The following ESR1 variants were observed in gnomAD, a reference collection of about 807,000 sequenced individuals.
The protein encoded by ESR1 is estrogen receptor.
ESR1 carries 12 observed loss-of-function variants against 52.7 expected under a neutral mutation model. The observed-to-expected ratio is 0.23, with a 90% CI of 0.15 to 0.37. The LOEUF (loss-of-function observed/expected upper bound fraction) is 0.37. Among genes scored for constraint, ESR1 ranks in the 10% least tolerant of loss-of-function variants. The pLI is 1.00. For missense variants in ESR1, 584 were observed against 779.7 expected, an observed-to-expected ratio of 0.75 and a Z score of 2.99; for synonymous variants, 305 against 316.8, an observed-to-expected ratio of 0.96 and a Z score of 0.39.
At chr6:152,018,708 A>G (rs1164377088) in intron 5 of ESR1, among the ~76,000 whole-genome samples, 1 of 152,092 alleles carries the variant, frequency 6.6e-6, no homozygotes, top group Non-Finnish European at 1.5e-5. Context: ...GGATTCCACC[A>G]TCGCTTTCCA....
At chr6:151,948,636 C>G (rs906401876) in intron 4 of ESR1, among the ~76,000 whole-genome samples, 1 of 152,192 alleles carries the variant, frequency 6.6e-6, no homozygotes, top group Non-Finnish European at 1.5e-5. Flanking sequence ...AATCAACACT[C>G]TAGAAGGCCC....
At chr6:151,720,045 A>G (rs1781347594) in intron 2 of ESR1, among the ~76,000 whole-genome samples, 1 of 152,244 alleles carries the variant, frequency 6.6e-6, no homozygotes, top group African/African-American at 2.4e-5. Flanking sequence ...ATAATAATAA[A>G]GAAAGGGCAG....
At chr6:152,043,966 C>T (rs1055740475) in intron 5 of ESR1, among the ~76,000 whole-genome samples, 3 of 149,842 alleles carry the variant, frequency 2.0e-5, no homozygotes, top group Non-Finnish European at 3.0e-5. Flanking sequence ...AGATAAGACT[C>T]GAACCCAGGG....
chr6:151,909,098 A>G (rs368288526), intron 3 of ESR1, among the ~76,000 whole-genome samples: 1 of 152,178 alleles, frequency 6.6e-6, no homozygotes, highest in South Asian at 2.1e-4. Context: ...GAAAAGGGCA[A>G]CCCAATCTCT....
chr6:151,702,515 A>G (rs1000688575), intron 2 of ESR1, among the ~76,000 whole-genome samples: 4 of 152,208 alleles, frequency 2.6e-5, no homozygotes, highest in African/African-American at 9.6e-5. Context: ...TAACCCTAAA[A>G]TAGGGGAATA....
intron 2 of ESR1, among the ~76,000 whole-genome samples, chr6:151,786,688 T>C (rs78988953): frequency 0.02 from 3,034 of 151,524 alleles, 95 homozygotes; most frequent in African/African-American, 0.068. Context: ...TTTTTTTTTT[T>C]CTGGTAGGCA....
At position 151,912,623 on chromosome 6, in the gene ESR1, C is replaced by T. The variant is rs9340880; in HGVS notation, c.761-31550C>T. Among the ~76,000 whole-genome samples, 249 of 152,178 alleles carry T rather than the reference C, an allele frequency of 1.6e-3. 2 individuals are homozygous for T. The highest frequency in any genetic ancestry group is 5.8e-3 in the African/African-American group (240 of 41,506). ...AGATCTCAGGCTCTAATAATACATCCGTATAAACATCTCAGTAGGGCACCA... is the reference window on the plus strand; with the variant it reads ...AGATCTCAGGCTCTAATAATACATCTGTATAAACATCTCAGTAGGGCACCA... On this transcript the variant is annotated intron_variant, in intron 3 of 7. Transcript: ENST00000206249.
intron 2 of ESR1, among the ~76,000 whole-genome samples, chr6:151,864,324 G>A (rs1166021987): frequency 6.6e-6 from 1 of 152,106 alleles, no homozygotes; most frequent in African/African-American, 2.4e-5. Flanking sequence ...GCAGCCAACA[G>A]ACACATGAAA....
At chr6:151,860,364 C>T (rs1049827676) in intron 2 of ESR1, among the ~76,000 whole-genome samples, 13 of 152,070 alleles carry the variant, frequency 8.5e-5, no homozygotes, top group Admixed American at 2.0e-4. Flanking sequence ...GATTTCTAGA[C>T]TTGTTCATGC....
At chr6:151,740,289 T>A (rs1197783068) in intron 2 of ESR1, among the ~76,000 whole-genome samples, 1 of 137,388 alleles carries the variant, frequency 7.3e-6, no homozygotes, top group Admixed American at 7.0e-5. Flanking sequence ...TGGCTAATTT[T>A]TTTTTTTTTT....
chr6:152,125,256 C>A, intron 6 of ESR1: 2 of 1,549,764 alleles, frequency 1.3e-6, no homozygotes, highest in South Asian at 1.2e-5. Flanking sequence ...AGGTCGTATT[C>A]ATTTCACAGG....
At chr6:152,043,972 C>T (rs2046018000) in intron 5 of ESR1, among the ~76,000 whole-genome samples, 1 of 152,166 alleles carries the variant, frequency 6.6e-6, no homozygotes, top group East Asian at 1.9e-4. Context: ...GACTCGAACC[C>T]AGGGCAATCT....
chr6:151,757,507 C>T (rs891230052), intron 2 of ESR1, among the ~76,000 whole-genome samples: 6 of 152,188 alleles, frequency 3.9e-5, no homozygotes, highest in Non-Finnish European at 5.9e-5. Context: ...GAAATATATT[C>T]TGGTCAGAGC....
At chr6:152,000,468 T>A (rs1422054578) in intron 4 of ESR1, among the ~76,000 whole-genome samples, 2 of 152,050 alleles carry the variant, frequency 1.3e-5, no homozygotes, top group East Asian at 3.9e-4. Flanking sequence ...TTTCTCTTTA[T>A]ATAAATATGA....
intron 5 of ESR1, among the ~76,000 whole-genome samples, chr6:152,019,280 C>G (rs140603869): frequency 1.7e-4 from 26 of 152,164 alleles, no homozygotes; most frequent in Non-Finnish European, 2.9e-4. Context: ...AACACAGGCA[C>G]ACACGTACAC....
chr6:151,678,834 A>G (rs1778350261), intron 1 of ESR1, among the ~76,000 whole-genome samples: 4 of 151,888 alleles, frequency 2.6e-5, no homozygotes. Context: ...CCACAGGTGC[A>G]TGCCACCACT....
upstream of ESR1, among the ~76,000 whole-genome samples, chr6:151,802,635 T>A (rs1223171129): frequency 6.6e-6 from 1 of 152,204 alleles, no homozygotes; most frequent in Non-Finnish European, 1.5e-5. Context: ...TGTACGAATT[T>A]AAATTTTGAC....
chr6:151,931,649 G>C (rs1488363206), intron 3 of ESR1, among the ~76,000 whole-genome samples: 1 of 136,096 alleles, frequency 7.3e-6, no homozygotes, highest in Non-Finnish European at 1.5e-5. Context: ...TCCCCTTCCT[G>C]TGTCCATGTG....
intron 3 of ESR1, among the ~76,000 whole-genome samples, chr6:151,895,936 C>T (rs1439342390): frequency 1.3e-5 from 2 of 152,096 alleles, no homozygotes; most frequent in African/African-American, 2.4e-5. Flanking sequence ...ATTACAGGCA[C>T]CTGCCACCAC....
Sources: allele counts gnomAD v4.1 joint callset (sites outside exome capture counted in the v4.1 genomes callset), GRCh38; gene constraint gnomAD v4.1.1; transcripts MANE v1.5; gene names NCBI Gene and HGNC (gene_info 2026-07-23, HGNC 2026-07-21).